Variants in CCDC40 observed in about 807,000 individuals in gnomAD.
CCDC40 encodes coiled-coil domain 40 molecular ruler complex subunit, also known as coiled-coil domain-containing protein 40.
CCDC40 carries 104 observed loss-of-function variants against 124.5 expected under a neutral mutation model. The observed-to-expected ratio is 0.84, with a 90% CI of 0.71 to 0.98. The LOEUF (loss-of-function observed/expected upper bound fraction) is 0.98, where lower values mean the gene tolerates loss of function less well. Ranked by LOEUF, CCDC40 falls within the 50% of genes least tolerant of loss-of-function variation. The pLI is 0.00. For synonymous variants in CCDC40, 580 were observed against 602.9 expected, an observed-to-expected ratio of 0.96 and a Z score of 0.56; for missense variants, 1,463 against 1,503.9, an observed-to-expected ratio of 0.97 and a Z score of 0.45.
chr17:80,055,993 TATATATA>T (rs2037726917), intron 7 of CCDC40, among the ~76,000 whole-genome samples: 3 of 11,912 alleles, frequency 2.5e-4, no homozygotes, highest in Non-Finnish European at 4.2e-4. Flanking sequence ...TATATATATA[TATATATA>T]TATATATATA....
At chr17:80,037,007 C>A (rs778919758) in intron 1 of CCDC40, among the ~76,000 whole-genome samples, 19 of 152,296 alleles carry the variant, frequency 1.2e-4, no homozygotes, top group African/African-American at 3.4e-4. Flanking sequence ...CCATGGCAAC[C>A]ACTCTGCGTG....
intron 10 of CCDC40, chr17:80,067,282 G>C: frequency 3.9e-6 from 2 of 518,208 alleles, no homozygotes; most frequent in South Asian, 5.5e-5. Context: ...TGCAAACATT[G>C]TAAAAATCGT....
intron 10 of CCDC40, among the ~76,000 whole-genome samples, chr17:80,068,373 G>C (rs1262629917): frequency 6.6e-6 from 1 of 152,100 alleles, no homozygotes; most frequent in Admixed American, 6.6e-5. Flanking sequence ...ATTGTGAGAA[G>C]TATAAACTGT....
chr17:80,060,045 G>C (rs1168177293), intron 9 of CCDC40, among the ~76,000 whole-genome samples: 1 of 152,160 alleles, frequency 6.6e-6, no homozygotes, highest in Middle Eastern at 3.2e-3. Flanking sequence ...AACAATTCTG[G>C]AGTTTTATCT....
chr17:80,038,568 T>G (rs1009642873), intron 2 of CCDC40, among the ~76,000 whole-genome samples: 7 of 152,086 alleles, frequency 4.6e-5, no homozygotes, highest in Admixed American at 4.6e-4. Context: ...GACTCACGCC[T>G]GTAATTCCAG....
intron 10 of CCDC40, among the ~76,000 whole-genome samples, chr17:80,070,148 G>A (rs991165439): frequency 6.6e-6 from 1 of 152,244 alleles, no homozygotes; most frequent in Non-Finnish European, 1.5e-5. Context: ...TTGGGTGTGG[G>A]CATTGCCACA....
intron 16 of CCDC40, 161 bp from the exon 17 acceptor site, chr17:80,089,603 A>G: frequency 3.2e-6 from 2 of 633,716 alleles, no homozygotes; most frequent in East Asian, 4.8e-5. Context: ...TAAGGAGCCC[A>G]GTAGTGAACA....
chr17:80,039,861 G>C lies in CCDC40; in HGVS notation c.143G>C (p.Gly48Ala). The change falls in exon 3 of 20, where the codon GGT becomes GCT. Residue 48 changes from glycine to alanine, a missense_variant. Physicochemically the swap from Gly to Ala is moderately conservative, Grantham distance 60. Transcript: ENST00000397545. ...DDGQKGEEAV[G>A]STEHPEEVTT... ...GGCCAGAAAGGTGAAGAAGCTGTCG[G>C]TAGCACAGAGCATCCTGAGGAAGTC... 6.2e-7 allele frequency: 1 copy of C among 1,613,996 alleles called. No individual in the cohort carries two copies. The highest frequency in any genetic ancestry group is 8.5e-7 in the Non-Finnish European group (1 of 1,179,986).
Position 80,058,289 on chromosome 17 carries a change from T to G in CCDC40, c.1160-205T>G, listed in dbSNP as rs2037803334. The stretch of plus-strand genomic sequence containing the variant: ...TGTGGATGTAGATTCCGTATATTTT[T>G]GTCTCTTCCAAGAGACTGTAAACTC... On this transcript the variant is annotated intron_variant, in intron 7 of 19. Coordinates refer to ENST00000397545, the MANE Select transcript of CCDC40 (RefSeq NM_017950.4). This position sits in a 1 kb window ranked among gnomAD's most constrained non-coding sequence, Gnocchi z 4.2. 6.6e-6 allele frequency among the ~76,000 whole-genome samples: 1 copy of G among 152,250 alleles called. No homozygotes were observed. Among genetic ancestry groups the G allele is most frequent in the Non-Finnish European group, 1.5e-5 (1 of 68,042 alleles).
chr17:80,082,394 C>T (rs1047627330), intron 12 of CCDC40, among the ~76,000 whole-genome samples: 7 of 150,978 alleles, frequency 4.6e-5, no homozygotes, highest in Non-Finnish European at 8.8e-5. Context: ...CCTTTATCAC[C>T]TGTGGTGGGG....
rs1277636916 is a variant in CCDC40, at chr17:80,056,013, TA to T, written c.1160-2480del. Among the ~76,000 whole-genome samples the T allele has an allele frequency of 1.1e-4, 5 of 45,766 alleles. 1 individual carries two copies. The East Asian group carries it at 1.7e-3, about 16-fold the overall frequency. The allele number at this position is 45,766 out of a possible 152,430, so 30.0% of individuals were successfully genotyped here. A position where few individuals can be genotyped will look rare whatever the true frequency, so the allele number is the denominator to read the frequency against. Reference sequence around the variant, plus strand: ...ATATATATATATATATATATATATATATATTTTTTTTTTTTTTTGGTAGAAA... The same window carrying T: ...ATATATATATATATATATATATATATTATTTTTTTTTTTTTTTGGTAGAAA... On this transcript the variant is annotated intron_variant, in intron 7 of 19. Coordinates refer to ENST00000397545, the MANE Select transcript of CCDC40 (RefSeq NM_017950.4).
rs531891895 is a variant in CCDC40 at position 80,091,617 on chromosome 17, CTG to C, written c.2832+1735_2832+1736del. ...CAGCCTGGCAAGAGGGATCTTTACT[CTG>C]TTCAAATGCCAATCATTTCCAGGGA... On this transcript the variant is annotated intron_variant, in intron 17 of 19. Coordinates refer to ENST00000397545, the MANE Select transcript of CCDC40 (RefSeq NM_017950.4). Among the ~76,000 whole-genome samples the C allele has an allele frequency of 9.9e-3, 1,345 of 135,932 alleles. 12 individuals carry two copies. Among genetic ancestry groups the C allele is most frequent in the Non-Finnish European group, 0.016 (1,063 of 65,732 alleles). 89.2% of individuals were successfully genotyped at this position (135,932 alleles called of 152,430 possible).
Position 80,087,475 on chromosome 17 carries a change from C to T in CCDC40, c.2450-132C>T, listed in dbSNP as rs12601285. 0.1 allele frequency: 74,499 copies of T among 737,022 alleles called. 4,730 individuals are homozygous for T. The highest frequency in any genetic ancestry group is 0.25 in the East Asian group (9,198 of 37,098). The allele number at this position is 737,022 out of a possible 1,614,324, so 45.7% of individuals were successfully genotyped here. ...GAGATTCAGGCAGGAGCGCCAGGAA[C>T]GACAAGAGGGAGGGGATGAAGGGAG... is the stretch of plus-strand genomic sequence containing the variant. On this transcript the variant is annotated intron_variant, in intron 14 of 19. Coordinates refer to ENST00000397545, the MANE Select transcript of CCDC40 (RefSeq NM_017950.4). The surrounding 1 kb of genome is among the most constrained non-coding windows in gnomAD (Gnocchi z 4.5).
intron 9 of CCDC40, among the ~76,000 whole-genome samples, chr17:80,064,991 G>A (rs2037999227): frequency 6.6e-6 from 1 of 151,554 alleles, no homozygotes; most frequent in Non-Finnish European, 1.5e-5. Flanking sequence ...CACGGATGCT[G>A]GCCAGGATCC....
At chr17:80,051,219 G>A in intron 7 of CCDC40, 4 of 515,590 alleles carry the variant, frequency 7.8e-6, no homozygotes, top group Non-Finnish European at 1.0e-5. Flanking sequence ...ACACAAACCT[G>A]GAGGAAAACA....
At chr17:80,045,145 A>G (rs1331119496) in intron 3 of CCDC40, among the ~76,000 whole-genome samples, 1 of 152,186 alleles carries the variant, frequency 6.6e-6, no homozygotes, top group African/African-American at 2.4e-5. Context: ...TGGGCTGGAG[A>G]CAGAGACAGC....
intron 12 of CCDC40, among the ~76,000 whole-genome samples, chr17:80,082,780 C>T (rs1332357102): frequency 6.6e-6 from 1 of 152,256 alleles, no homozygotes; most frequent in African/African-American, 2.4e-5. Context: ...CGGGCCCCCG[C>T]CGAGCCCCTG....
intron 1 of CCDC40, among the ~76,000 whole-genome samples, chr17:80,037,367 C>T (rs2037107376): frequency 6.6e-6 from 1 of 152,020 alleles, no homozygotes; most frequent in Non-Finnish European, 1.5e-5. Flanking sequence ...AAGAGTTTGG[C>T]CTTTTTACCT....
At chr17:80,088,158 C>A in intron 16 of CCDC40, 56 bp downstream of exon 16, 2 of 1,228,328 alleles carry the variant, frequency 1.6e-6, no homozygotes, top group South Asian at 1.2e-5. Flanking sequence ...ACCTACAGGC[C>A]TCTGTCCGTT....
Sources: gnomAD v4.1 joint callset for allele counts (sites outside exome capture counted in the v4.1 genomes callset) on GRCh38, gnomAD v4.1.1 for gene constraint, Gnocchi (gnomAD v3.1) non-coding constraint, MANE v1.5 for transcripts, NCBI Gene and HGNC (gene_info 2026-07-23, HGNC 2026-07-21) for gene names.